RBFOX1: variants seen among roughly 807,000 people sequenced by gnomAD.
RBFOX1 encodes the protein RNA binding fox-1 homolog 1.
In RBFOX1, 8 loss-of-function variants were observed where a neutral mutation model predicts 57.7. That is an observed-to-expected ratio of 0.14 (90% CI 0.08 to 0.25). RBFOX1 has a LOEUF of 0.25. RBFOX1 is among the 10% of genes least tolerant of loss of function. RBFOX1 has a pLI of 1.00. For missense variants in RBFOX1, 611 were observed against 548.5 expected, an observed-to-expected ratio of 1.11 and a Z score of -1.14; for synonymous variants, 326 against 222.4, an observed-to-expected ratio of 1.47 and a Z score of -4.15.
At chr16:6,120,104 A>G (rs2096537714) in intron 1 of RBFOX1, among the ~76,000 whole-genome samples, 1 of 152,126 alleles carries the variant, frequency 6.6e-6, no homozygotes, top group South Asian at 2.1e-4. Context: ...GCCATGTGGT[A>G]GCACACATCA....
At chr16:6,119,966 A>G (rs765608313) in intron 1 of RBFOX1, among the ~76,000 whole-genome samples, 7 of 152,210 alleles carry the variant, frequency 4.6e-5, no homozygotes, top group Non-Finnish European at 1.0e-4. Flanking sequence ...AGCCCTTAGC[A>G]ATCACTAATC....
At chr16:5,296,407 T>C (rs1373794942) in intron 1 of RBFOX1, among the ~76,000 whole-genome samples, 2 of 152,174 alleles carry the variant, frequency 1.3e-5, no homozygotes, top group African/African-American at 4.8e-5. Flanking sequence ...ACTTGGGAGA[T>C]GTTTACATCC....
intron 4 of RBFOX1, among the ~76,000 whole-genome samples, chr16:7,381,313 C>G (rs939792777): frequency 9.2e-5 from 14 of 152,192 alleles, no homozygotes; most frequent in Middle Eastern, 3.4e-3. Flanking sequence ...CCTTATTGTG[C>G]AAGTAATGCA....
At chr16:7,040,845 C>A (rs1331477458) in intron 3 of RBFOX1, among the ~76,000 whole-genome samples, 1 of 152,008 alleles carries the variant, frequency 6.6e-6, no homozygotes, top group Non-Finnish European at 1.5e-5. Flanking sequence ...AAATTGTGGC[C>A]ATGGGCCAAA....
chr16:6,884,096 G>A (rs113460370), intron 3 of RBFOX1, among the ~76,000 whole-genome samples: 5 of 152,266 alleles, frequency 3.3e-5, no homozygotes, highest in African/African-American at 4.8e-5. Context: ...AAGCACCTGC[G>A]ATGCGCTGCA....
intron 4 of RBFOX1, among the ~76,000 whole-genome samples, chr16:7,393,884 C>T (rs527959966): frequency 2.0e-5 from 3 of 152,064 alleles, no homozygotes; most frequent in Admixed American, 6.5e-5. Flanking sequence ...CAAACACCCA[C>T]GTCAGCAGGA....
At chr16:7,088,388 C>T (rs936585892) in intron 4 of RBFOX1, among the ~76,000 whole-genome samples, 5 of 152,098 alleles carry the variant, frequency 3.3e-5, no homozygotes, top group East Asian at 3.9e-4. Flanking sequence ...GGGTTGAGTG[C>T]TGTAGAGGAG....
chr16:7,392,124 T>G (rs1159428843), intron 4 of RBFOX1, among the ~76,000 whole-genome samples: 1 of 152,226 alleles, frequency 6.6e-6, no homozygotes, highest in East Asian at 1.9e-4. Flanking sequence ...CCTTGCAGAT[T>G]CTGTACACGC....
At chr16:6,565,126 C>CAA (rs34624731) in intron 2 of RBFOX1, among the ~76,000 whole-genome samples, 56 of 98,186 alleles carry the variant, frequency 5.7e-4, no homozygotes, top group African/African-American at 1.9e-3. Flanking sequence ...ACTCTGTCTC[C>CAA]AAAAAAAAAA....
At chr16:6,812,335 A>G (rs552704008) in intron 3 of RBFOX1, among the ~76,000 whole-genome samples, 1 of 152,144 alleles carries the variant, frequency 6.6e-6, no homozygotes, top group Non-Finnish European at 1.5e-5. Flanking sequence ...ACACAATGCA[A>G]AGTGCCAATT....
At chr16:5,605,118 G>T (rs919259664), downstream of RBFOX1, among the ~76,000 whole-genome samples, 1 of 152,162 alleles carries the variant, frequency 6.6e-6, no homozygotes, top group African/African-American at 2.4e-5. Flanking sequence ...TTCTGCTCTG[G>T]CTTCTAGTTG....
chr16:5,310,834 TTTC>T (rs1464895277), intron 1 of RBFOX1, among the ~76,000 whole-genome samples: 1 of 152,230 alleles, frequency 6.6e-6, no homozygotes, highest in Admixed American at 6.5e-5. Context: ...AGTACACTCT[TTTC>T]TTTAAAATTT....
chr16:6,806,836 A>ATATATATATATATTTT (rs754342591), intron 3 of RBFOX1, among the ~76,000 whole-genome samples: 48 of 91,864 alleles, frequency 5.2e-4, no homozygotes, highest in Non-Finnish European at 7.7e-4. Flanking sequence ...ATATATATAT[A>ATATATATATATATTTT]TTTTTTTTTT....
intron 4 of RBFOX1, among the ~76,000 whole-genome samples, chr16:5,920,002 G>A (rs2058786590): frequency 6.6e-6 from 1 of 152,070 alleles, no homozygotes; most frequent in Non-Finnish European, 1.5e-5. Flanking sequence ...GCAGTGGCGC[G>A]ATCTCACTGC....
chr16:5,486,435 C>T (rs1343974839), intron 2 of RBFOX1, among the ~76,000 whole-genome samples: 1 of 152,230 alleles, frequency 6.6e-6, no homozygotes, highest in Non-Finnish European at 1.5e-5. Context: ...CAGTATTCAA[C>T]TCCGTCATTG....
intron 3 of RBFOX1, among the ~76,000 whole-genome samples, chr16:6,926,471 T>C (rs2153463801): frequency 6.6e-6 from 1 of 152,208 alleles, no homozygotes; most frequent in South Asian, 2.1e-4. Flanking sequence ...GATAGTAGGT[T>C]CAGTGGGTTG....
intron 2 of RBFOX1, among the ~76,000 whole-genome samples, chr16:6,647,985 G>C (rs935960835): frequency 6.6e-6 from 1 of 152,062 alleles, no homozygotes; most frequent in Non-Finnish European, 1.5e-5. Context: ...GGAATTACAC[G>C]TGTGTGCCAC....
intron 3 of RBFOX1, among the ~76,000 whole-genome samples, chr16:6,814,846 C>A (rs1402814699): frequency 6.6e-6 from 1 of 152,036 alleles, no homozygotes; most frequent in African/African-American, 2.4e-5. Context: ...GGGTCCTGAT[C>A]CAGACGCCAA....
At chr16:6,376,014 C>T (rs1285727205) in intron 2 of RBFOX1, among the ~76,000 whole-genome samples, 1 of 152,166 alleles carries the variant, frequency 6.6e-6, no homozygotes, top group Admixed American at 6.5e-5. Context: ...ACTCAGTCAT[C>T]CTGTTTGAGC....
Sources: allele counts gnomAD v4.1 joint callset (sites outside exome capture counted in the v4.1 genomes callset), GRCh38; gene constraint gnomAD v4.1.1; transcripts MANE v1.5; gene names NCBI Gene and HGNC (gene_info 2026-07-23, HGNC 2026-07-21).